ADAP1: variants seen among roughly 807,000 people sequenced by gnomAD.
ADAP1 encodes arf-GAP with dual PH domain-containing protein 1.
Under a neutral mutation model 54.9 loss-of-function variants are expected in ADAP1, and 31 were observed. The observed-to-expected ratio is 0.56, with a 90% CI of 0.42 to 0.76. The LOEUF is 0.76. Ranked by LOEUF, ADAP1 falls within the 30% of genes least tolerant of loss-of-function variation. ADAP1 has a pLI of 0.00. For synonymous variants in ADAP1, 313 were observed against 202.6 expected (o/e 1.55, Z -4.63); for missense variants, 535 against 512.4 (o/e 1.04, Z -0.42).
Position 928,356 on chromosome 7 carries a change from C to T in ADAP1, c.214-1712G>A, listed in dbSNP as rs185342346. On this transcript the variant is annotated intron_variant, in intron 2 of 10. Transcript: ENST00000265846. ...TCCAGCTTGGGAAAAAGAGCAAGAC[C>T]CTATCTCTGCAAAAAAAGGAAGGTA... is the stretch of plus-strand genomic sequence containing the variant. Among the ~76,000 whole-genome samples, 27 of 152,134 alleles carry T rather than the reference C, an allele frequency of 1.8e-4. No homozygotes were observed. The Middle Eastern group carries it at 0.01, about 57-fold the overall frequency.
At chr7:924,350 A>G (rs112023722) in intron 3 of ADAP1, among the ~76,000 whole-genome samples, 59 of 696 alleles carry the variant, frequency 0.085, 1 homozygote, top group Admixed American at 0.12. Context: ...TGCACCCCCC[A>G]CCCTCCGGGT....
chr7:921,027 T>G (rs893034783), intron 3 of ADAP1: 11 of 586,978 alleles, frequency 1.9e-5, no homozygotes, highest in East Asian at 2.9e-5. Context: ...TGGCCCCAGG[T>G]GTGTGTGTGT....
chr7:953,640 C>T (rs1227406829), intron 1 of ADAP1, among the ~76,000 whole-genome samples: 2 of 152,224 alleles, frequency 1.3e-5, no homozygotes, highest in African/African-American at 4.8e-5. Context: ...TGACAGCTCC[C>T]GAGCAGGGCA....
At chr7:904,833 C>T (rs1054712950) in intron 5 of ADAP1, among the ~76,000 whole-genome samples, 1 of 152,252 alleles carries the variant, frequency 6.6e-6, no homozygotes, top group African/African-American at 2.4e-5. Flanking sequence ...GGGGCCCCGC[C>T]CGGCCGCCCA....
chr7:930,512 C>CA (rs914462062), intron 2 of ADAP1, among the ~76,000 whole-genome samples: 3 of 99,136 alleles, frequency 3.0e-5, no homozygotes, highest in Non-Finnish European at 4.3e-5. Context: ...CCCATCACTA[C>CA]AAAATTTTTT....
At position 920,713 on chromosome 7, in the gene ADAP1, C is replaced by A; in HGVS notation, c.306-663G>T. ...TAAAGCCCGGGACGAGGGCCCCCCA[C>A]GGCACCCACTGAGCCCAGACATCCC... On this transcript the variant is annotated intron_variant, in intron 3 of 10. Coordinates refer to ENST00000265846, the MANE Select transcript of ADAP1 (RefSeq NM_006869.4). This position sits in a 1 kb window ranked among gnomAD's most constrained non-coding sequence, Gnocchi z 4.5. The A allele has an allele frequency of 7.6e-7, 1 of 1,322,552 alleles. No homozygotes were observed. The highest frequency in any genetic ancestry group is 1.3e-5 in the South Asian group (1 of 76,236). 81.9% of individuals were successfully genotyped at this position (1,322,552 alleles called of 1,614,324 possible). A position where few individuals can be genotyped will look rare whatever the true frequency, so the allele number is the denominator to read the frequency against.
intron 5 of ADAP1, among the ~76,000 whole-genome samples, chr7:904,555 G>A (rs116033133): frequency 0.011 from 1,664 of 152,272 alleles, 38 homozygotes; most frequent in African/African-American, 0.036. Flanking sequence ...CACACGGCAC[G>A]GCAGCTCCCA....
intron 1 of ADAP1, among the ~76,000 whole-genome samples, chr7:944,333 C>A (rs1847086034): frequency 6.7e-6 from 1 of 149,772 alleles, no homozygotes; most frequent in African/African-American, 2.5e-5. Context: ...TGGCTCACTG[C>A]AACCTTTGCC....
chr7:902,091 G>C (rs1284925182), intron 6 of ADAP1, among the ~76,000 whole-genome samples: 3 of 151,986 alleles, frequency 2.0e-5, no homozygotes, highest in Non-Finnish European at 1.5e-5. Flanking sequence ...CCTGGGCGGG[G>C]GGAATTATCT....
intron 4 of ADAP1, among the ~76,000 whole-genome samples, chr7:912,509 T>A (rs1484345428): frequency 6.6e-6 from 1 of 152,138 alleles, no homozygotes; most frequent in Non-Finnish European, 1.5e-5. Flanking sequence ...GGAGCCCTGC[T>A]GGCTCAGCGG....
intron 6 of ADAP1, among the ~76,000 whole-genome samples, chr7:902,240 C>T (rs1396392986): frequency 6.7e-6 from 1 of 150,294 alleles, no homozygotes; most frequent in East Asian, 2.0e-4. Context: ...AGGTGGATCA[C>T]CTGAGGTCGG....
At chr7:917,767 C>T (rs191940329) in intron 4 of ADAP1, among the ~76,000 whole-genome samples, 8 of 152,138 alleles carry the variant, frequency 5.3e-5, no homozygotes, top group African/African-American at 1.2e-4. Context: ...TTCACAAATA[C>T]GATTCATCTT....
chr7:939,612 C>A (rs1251549954), intron 1 of ADAP1, among the ~76,000 whole-genome samples: 2 of 151,756 alleles, frequency 1.3e-5, no homozygotes, highest in Non-Finnish European at 2.9e-5. Flanking sequence ...GGGTGGATCA[C>A]CTGAGGTCAG....
In ADAP1 at chr7:913,395, G is replaced by T. The variant is rs559658307; in HGVS notation, c.388+6573C>A. 2.0e-3 allele frequency among the ~76,000 whole-genome samples: 304 copies of T among 151,848 alleles called. 1 individual carries two copies. Among genetic ancestry groups the T allele is most frequent in the Admixed American group, 8.8e-3 (135 of 15,260 alleles). ...TTTTTGTATTTTTAGTAGAGACGGGGTTTCACCGTGTTAGCCAGGATGGTC... is the reference window on the plus strand; with the variant it reads ...TTTTTGTATTTTTAGTAGAGACGGGTTTTCACCGTGTTAGCCAGGATGGTC... On this transcript the variant is annotated intron_variant, in intron 4 of 10. Coordinates refer to ENST00000265846, the MANE Select transcript of ADAP1 (RefSeq NM_006869.4).
At position 900,537 on chromosome 7, in the gene ADAP1, G is replaced by A. The variant is rs973273149; in HGVS notation, c.728C>T (p.Ala243Val). The A allele has an allele frequency of 5.6e-6, 9 of 1,604,924 alleles. No homozygotes were observed. Among genetic ancestry groups the A allele is most frequent in the Non-Finnish European group, 5.9e-6 (7 of 1,177,268 alleles). ...LQVAFPGAGD[A>V]DLVPKLSRNY... ...GACCGCAGGGCCGCCACTCACATCT[G>A]CGTCGCCGGCCCCTGGGAATGCCAC... Residue 243 changes from alanine to valine, a missense_variant, in exon 7 of 11, where the codon GCA becomes GTA. Coordinates refer to ENST00000265846, the MANE Select transcript of ADAP1 (RefSeq NM_006869.4).
chr7:904,166 T>C lies in ADAP1; in HGVS notation c.608A>G (p.Asn203Ser), dbSNP rs1362513013. The C allele has an allele frequency of 1.9e-6, 3 of 1,612,628 alleles. No homozygotes were observed. Among genetic ancestry groups the C allele is most frequent in the East Asian group, 2.2e-5 (1 of 44,860 alleles). ...HGLQVTYLKD[N>S]STRNIFIYHE... ...GTAGATGAAGATGTTACGGGTGCTGTTGTCCTTCAGGTAGGTGACCTGCAG... is the reference window on the plus strand; with the variant it reads ...GTAGATGAAGATGTTACGGGTGCTGCTGTCCTTCAGGTAGGTGACCTGCAG... The change falls in exon 6 of 11, where the codon AAC (asparagine) becomes AGC (serine). Residue 203 changes from asparagine to serine, a missense_variant. Coordinates refer to ENST00000265846, the MANE Select transcript of ADAP1 (RefSeq NM_006869.4).
chr7:907,410 C>A (rs1845516023), intron 4 of ADAP1, among the ~76,000 whole-genome samples: 1 of 152,108 alleles, frequency 6.6e-6, no homozygotes, highest in African/African-American at 2.4e-5. Context: ...GCCAGAGGAC[C>A]CGTCCTGAGC....
rs73254047 is a variant in ADAP1, at chr7:920,324, G to A, written c.306-274C>T. Among the ~76,000 whole-genome samples, 501 of 152,218 alleles carry A rather than the reference G, an allele frequency of 3.3e-3. 4 individuals carry two copies. The highest frequency in any genetic ancestry group is 0.011 in the African/African-American group (458 of 41,518). On this transcript the variant is annotated intron_variant, in intron 3 of 10. Transcript: ENST00000265846. This position sits in a 1 kb window ranked among gnomAD's most constrained non-coding sequence, Gnocchi z 4.5. ...CTGCACAAGCGTTCCCGGTGGACGGGCTGGTGCCTCCCCTCTCCTTCCCAC... is the reference window on the plus strand; with the variant it reads ...CTGCACAAGCGTTCCCGGTGGACGGACTGGTGCCTCCCCTCTCCTTCCCAC...
chr7:952,599 A>G (rs992458157), intron 1 of ADAP1, among the ~76,000 whole-genome samples: 1 of 152,154 alleles, frequency 6.6e-6, no homozygotes, highest in African/African-American at 2.4e-5. Context: ...CCCTGTGGCC[A>G]CAGCCCTGGG....
Sources: gnomAD v4.1 joint callset for allele counts (sites outside exome capture counted in the v4.1 genomes callset) on GRCh38, gnomAD v4.1.1 for gene constraint, Gnocchi (gnomAD v3.1) non-coding constraint, MANE v1.5 for transcripts, NCBI Gene and HGNC (gene_info 2026-07-23, HGNC 2026-07-21) for gene names.